Variants in ADAMTS9 observed in about 807,000 individuals in gnomAD.
The protein encoded by ADAMTS9 is A disintegrin and metalloproteinase with thrombospondin motifs 9.
Under a neutral mutation model 257.1 loss-of-function variants are expected in ADAMTS9, and 107 were observed. That is an observed-to-expected ratio of 0.42 (90% CI 0.36 to 0.49). The LOEUF is 0.49. Among genes scored for constraint, ADAMTS9 ranks in the 20% least tolerant of loss-of-function variants. ADAMTS9 has a pLI of 0.03. For missense variants in ADAMTS9, 2,353 were observed against 2,469.1 expected (o/e 0.95, Z 1.00); for synonymous variants, 982 against 880.9 (o/e 1.11, Z -2.03).
At chr3:64,561,885 A>T in intron 29 of ADAMTS9, 134 bp from the exon 30 acceptor site, 1 of 755,042 alleles carries the variant, frequency 1.3e-6, no homozygotes, top group Non-Finnish European at 2.1e-6. Flanking sequence ...TCGCTTTCTA[A>T]TTTGCAATGA....
In ADAMTS9 at chr3:64,655,778, A is replaced by C; in HGVS notation, c.1053+14T>G. On this transcript the variant is annotated intron_variant, in intron 5 of 39. Transcript: ENST00000498707. ...CGGATACAGATAGAAGAAAAAAGAA[A>C]AAAACTTTATTACCTGTTCATTATG... is the stretch of plus-strand genomic sequence containing the variant. The C allele has an allele frequency of 6.4e-7, 1 of 1,570,052 alleles. No individual in the cohort carries two copies. The highest frequency in any genetic ancestry group is 8.6e-7 in the Non-Finnish European group (1 of 1,159,088).
intron 12 of ADAMTS9, among the ~76,000 whole-genome samples, chr3:64,636,496 T>C (rs1343351450): frequency 2.0e-5 from 3 of 152,186 alleles, no homozygotes; most frequent in Non-Finnish European, 4.4e-5. Flanking sequence ...GAGGGTTAAC[T>C]AGATTAATAC....
chr3:64,586,754 T>C (rs2084165225), intron 28 of ADAMTS9: 1 of 152,136 alleles, frequency 6.6e-6, no homozygotes, highest in Non-Finnish European at 1.5e-5. Flanking sequence ...AATGACTACA[T>C]TTACAGTCAT....
chr3:64,522,348 C>T, intron 38 of ADAMTS9, 88 bp from the exon 39 acceptor site: 1 of 1,129,050 alleles, frequency 8.9e-7, no homozygotes, highest in Non-Finnish European at 1.3e-6. Flanking sequence ...TTCTTATACA[C>T]ACAGTAAACA....
intron 26 of ADAMTS9, among the ~76,000 whole-genome samples, chr3:64,601,729 C>G (rs2084465414): frequency 6.6e-6 from 1 of 152,132 alleles, no homozygotes; most frequent in Admixed American, 6.6e-5. Flanking sequence ...TCCCCTTTCT[C>G]CACCCAATCG....
chr3:64,562,131 A>T (rs2083437932), intron 29 of ADAMTS9, among the ~76,000 whole-genome samples: 1 of 152,222 alleles, frequency 6.6e-6, no homozygotes, highest in Non-Finnish European at 1.5e-5. Flanking sequence ...ACTCATGAAA[A>T]CTGGAGAGAC....
rs1026494623 is a variant in ADAMTS9, at chr3:64,641,863, T to C, written c.1841A>G (p.Glu614Gly). 6.2e-7 allele frequency: 1 copy of C among 1,614,140 alleles called. No homozygotes were observed. The highest frequency in any genetic ancestry group is 1.1e-5 in the South Asian group (1 of 91,084). ...CGGGIKTAIR[E>G]CNRPEPKNGG... Reference sequence around the variant, plus strand: ...TAGGACTTACTCTGGTCTGTTGCACTCTCGAATGGCTGTTTTGATGCCCCC... The same window carrying C: ...TAGGACTTACTCTGGTCTGTTGCACCCTCGAATGGCTGTTTTGATGCCCCC... The change falls in exon 12 of 40, where the codon GAG (glutamate) becomes GGG (glycine). Residue 614 changes from glutamate (E) to glycine (G), a missense_variant. Coordinates refer to ENST00000498707, the MANE Select transcript of ADAMTS9 (RefSeq NM_182920.2).
intron 12 of ADAMTS9, among the ~76,000 whole-genome samples, chr3:64,639,311 T>TTTTTTA (rs1559805108): frequency 7.2e-6 from 1 of 139,380 alleles, no homozygotes; most frequent in Non-Finnish European, 1.5e-5. Flanking sequence ...TTTTTTTTTT[T>TTTTTTA]TAAAAAAAAA....
chr3:64,607,208 C>T lies in ADAMTS9; in HGVS notation c.3355-129G>A, dbSNP rs181825345. The T allele has an allele frequency of 7.4e-5, 93 of 1,261,154 alleles. No individual in the cohort carries two copies. The East Asian group carries it at 2.1e-3, about 29-fold the overall frequency. 78.1% of individuals were successfully genotyped at this position (1,261,154 alleles called of 1,614,324 possible). ...GCCAGAGGGCTGGCGCTCAAATAAA[C>T]TAGGTCGAAGTGGGCAATCCTGCTC... On this transcript the variant is annotated intron_variant, in intron 22 of 39. Transcript: ENST00000498707.
At chr3:64,653,508 C>A (rs1035199368) in intron 8 of ADAMTS9, among the ~76,000 whole-genome samples, 1 of 152,136 alleles carries the variant, frequency 6.6e-6, no homozygotes, top group Non-Finnish European at 1.5e-5. Context: ...TCCCTCTGTG[C>A]CTCGTACACT....
rs751868431 is a variant in ADAMTS9, at chr3:64,613,459, C to T, written c.3240G>A (p.Gln1080=). 1.2e-6 allele frequency: 2 copies of T among 1,614,020 alleles called. No homozygotes were observed. The highest frequency in any genetic ancestry group is 1.7e-5 in the Admixed American group (1 of 60,016). Residue 1080 remains glutamine (Q), a synonymous_variant, in exon 22 of 40, where the codon CAG becomes CAA. Coordinates refer to ENST00000498707, the MANE Select transcript of ADAMTS9 (RefSeq NM_182920.2). ...KGHKHRQVWC[Q]FGEDRLNDRM... is the part of the protein sequence containing the mutation. ...TATCATTTAATCGATCTTCACCAAA[C>T]TGACACCAGACCTGGCGGTGCTTAT...
chr3:64,536,992 C>T (rs2083059118), intron 37 of ADAMTS9, among the ~76,000 whole-genome samples: 1 of 152,208 alleles, frequency 6.6e-6, no homozygotes, highest in Non-Finnish European at 1.5e-5. Context: ...AAAGGCTGAA[C>T]CACCTACTCC....
chr3:64,613,694 A>G (rs575988198), intron 21 of ADAMTS9, among the ~76,000 whole-genome samples, 185 bp from the exon 22 acceptor site: 3 of 152,218 alleles, frequency 2.0e-5, no homozygotes, highest in East Asian at 3.9e-4. Flanking sequence ...CATTCATTCT[A>G]TATTTATAGT....
chr3:64,632,402 G>A (rs1215778518), intron 14 of ADAMTS9, among the ~76,000 whole-genome samples: 2 of 152,194 alleles, frequency 1.3e-5, no homozygotes, highest in African/African-American at 2.4e-5. Flanking sequence ...TGGGAGCCCT[G>A]TGTTGACATT....
At chr3:64,603,608 A>C (rs987044283) in intron 25 of ADAMTS9, among the ~76,000 whole-genome samples, 7 of 152,134 alleles carry the variant, frequency 4.6e-5, no homozygotes, top group Middle Eastern at 3.2e-3. Flanking sequence ...TTGGTCCTCT[A>C]CAAACCTACT....
At chr3:64,638,059 C>T (rs2106910624) in intron 12 of ADAMTS9, among the ~76,000 whole-genome samples, 1 of 152,282 alleles carries the variant, frequency 6.6e-6, no homozygotes, top group African/African-American at 2.4e-5. Flanking sequence ...GATTTCATAA[C>T]CAGTTGCTAT....
At chr3:64,559,378 G>A (rs72885584) in intron 30 of ADAMTS9, among the ~76,000 whole-genome samples, 2,008 of 152,214 alleles carry the variant, frequency 0.013, 46 homozygotes, top group African/African-American at 0.047. Context: ...GAATATCATA[G>A]GAGATACTCC....
chr3:64,550,728 G>T, intron 31 of ADAMTS9, 164 bp downstream of exon 31: 1 of 782,192 alleles, frequency 1.3e-6, no homozygotes, highest in Non-Finnish European at 2.0e-6. Flanking sequence ...AGGAATTCTA[G>T]CTTGGGAAAG....
intron 28 of ADAMTS9, among the ~76,000 whole-genome samples, chr3:64,585,280 C>T (rs757263811): frequency 6.6e-6 from 1 of 152,160 alleles, no homozygotes; most frequent in Non-Finnish European, 1.5e-5. Context: ...TCCCTCTGTT[C>T]ATCTTACCAA....
Sources: allele counts gnomAD v4.1 joint callset (sites outside exome capture counted in the v4.1 genomes callset), GRCh38; gene constraint gnomAD v4.1.1; transcripts MANE v1.5; gene names NCBI Gene and HGNC (gene_info 2026-07-23, HGNC 2026-07-21).